STOX2: variants seen among roughly 807,000 people sequenced by gnomAD.
The protein encoded by STOX2 is storkhead box 2.
STOX2 carries 28 observed loss-of-function variants against 60.9 expected under a neutral mutation model. The observed-to-expected ratio is 0.46, with a 90% CI of 0.34 to 0.63. The LOEUF (loss-of-function observed/expected upper bound fraction) is 0.63. STOX2 is among the 30% of genes least tolerant of loss of function. STOX2 has a pLI of 0.01. For missense variants in STOX2, 1,024 were observed against 1,187.7 expected (o/e 0.86, Z 2.03); for synonymous variants, 472 against 463.9 (o/e 1.02, Z -0.22).
At chr4:183,861,111 T>C (rs1360218427) in intron 1 of STOX2, among the ~76,000 whole-genome samples, 1 of 152,208 alleles carries the variant, frequency 6.6e-6, no homozygotes, top group African/African-American at 2.4e-5. Context: ...TCCCCACTAC[T>C]TCTTTCTCTC....
chr4:184,003,095 C>T (rs886633785), intron 2 of STOX2, among the ~76,000 whole-genome samples: 1 of 152,184 alleles, frequency 6.6e-6, no homozygotes, highest in Non-Finnish European at 1.5e-5. Context: ...GTGAGAGCCA[C>T]CTAAGTGGGG....
At chr4:183,988,903 C>T (rs1049705363) in intron 1 of STOX2, among the ~76,000 whole-genome samples, 6 of 152,144 alleles carry the variant, frequency 3.9e-5, no homozygotes, top group Non-Finnish European at 8.8e-5. Context: ...AGAGGGTGCA[C>T]GGTCCTCTGA....
Position 184,017,378 on chromosome 4 carries a change from C to A in STOX2, c.*94C>A. ...TACATCTTTGGAAAGACAAGCATCTCAACCACAGTTTTTGTGTTTACTTAA... is the reference window on the plus strand; with the variant it reads ...TACATCTTTGGAAAGACAAGCATCTAAACCACAGTTTTTGTGTTTACTTAA... On this transcript the variant is annotated 3_prime_UTR_variant, in exon 4 of 4. Coordinates refer to ENST00000308497, the MANE Select transcript of STOX2 (RefSeq NM_020225.3). The A allele has an allele frequency of 7.9e-7, 1 of 1,269,936 alleles. No individual in the cohort carries two copies. Among genetic ancestry groups the A allele is most frequent in the Non-Finnish European group, 1.1e-6 (1 of 936,354 alleles). The allele number at this position is 1,269,936 out of a possible 1,614,324, so 78.7% of individuals were successfully genotyped here. A position where few individuals can be genotyped will look rare whatever the true frequency, so the allele number is the denominator to read the frequency against.
At chr4:183,850,332 T>C (rs1025469799) in intron 1 of STOX2, among the ~76,000 whole-genome samples, 2 of 152,172 alleles carry the variant, frequency 1.3e-5, no homozygotes, top group Non-Finnish European at 2.9e-5. Flanking sequence ...AAAAAAAATT[T>C]TGGAGAATGC....
chr4:183,906,597 C>T lies in STOX2; in HGVS notation c.-194C>T, dbSNP rs1741616726. The T allele has an allele frequency of 1.8e-6, 1 of 570,960 alleles. No homozygotes were observed. The highest frequency in any genetic ancestry group is 3.0e-6 in the Non-Finnish European group (1 of 328,126). 35.4% of individuals were successfully genotyped at this position (570,960 alleles called of 1,614,324 possible). On this transcript the variant is annotated 5_prime_UTR_variant, in exon 1 of 4. Coordinates refer to ENST00000308497, the MANE Select transcript of STOX2 (RefSeq NM_020225.3). ...TTGTGGGACGTGTGTAAAATCGGAGCCTTCGCCGTGGGGGTGTGGGGGGGC... is the reference window on the plus strand; with the variant it reads ...TTGTGGGACGTGTGTAAAATCGGAGTCTTCGCCGTGGGGGTGTGGGGGGGC...
chr4:183,980,157 G>T (rs1416497315), intron 1 of STOX2, among the ~76,000 whole-genome samples: 1 of 152,056 alleles, frequency 6.6e-6, no homozygotes, highest in Non-Finnish European at 1.5e-5. Flanking sequence ...AGGATTTTAT[G>T]ACATTTTCTA....
At chr4:183,986,851 A>T (rs1732865965) in intron 1 of STOX2, among the ~76,000 whole-genome samples, 1 of 151,994 alleles carries the variant, frequency 6.6e-6, no homozygotes, top group Non-Finnish European at 1.5e-5. Flanking sequence ...AGAGGATAGG[A>T]CGCTTTCAGG....
chr4:183,892,863 T>G (rs1336373467), intron 1 of STOX2, among the ~76,000 whole-genome samples: 1 of 150,972 alleles, frequency 6.6e-6, no homozygotes, highest in Admixed American at 6.6e-5. Flanking sequence ...AGGTTGTGAC[T>G]CCATGAAGAC....
intron 2 of STOX2, among the ~76,000 whole-genome samples, chr4:184,008,627 C>T (rs962653664): frequency 6.6e-6 from 1 of 152,096 alleles, no homozygotes; most frequent in Non-Finnish European, 1.5e-5. Context: ...GTCTAGTTGC[C>T]CTTTTATATC....
At chr4:183,954,557 G>A (rs2111151956) in intron 1 of STOX2, among the ~76,000 whole-genome samples, 1 of 151,938 alleles carries the variant, frequency 6.6e-6, no homozygotes, top group Middle Eastern at 3.4e-3. Flanking sequence ...CAAAGTGCTG[G>A]GATTACAGGC....
chr4:184,015,799 C>T (rs1207720688), intron 3 of STOX2: 1 of 152,194 alleles, frequency 6.6e-6, no homozygotes, highest in Non-Finnish European at 1.5e-5. Context: ...TTGACTCTGC[C>T]TCATGCAGTG....
At position 183,833,799 on chromosome 4, in the gene STOX2, C is replaced by A. The variant is rs557343761; in HGVS notation, c.364+35744C>A. Among the ~76,000 whole-genome samples, 39 of 148,346 alleles carry A rather than the reference C, an allele frequency of 2.6e-4. 1 individual carries two copies. Among genetic ancestry groups the A allele is most frequent in the East Asian group, 1.6e-3 (8 of 5,020 alleles). ...AGATCGAGACCATCCCGGCTAAAAACGGTGAAACCCCGTCTCTACTAAAAA... is the reference window on the plus strand; with the variant it reads ...AGATCGAGACCATCCCGGCTAAAAAAGGTGAAACCCCGTCTCTACTAAAAA... On this transcript the variant is annotated intron_variant, in intron 1 of 2. Coordinates refer to the STOX2 transcript ENST00000513034.
At chr4:183,880,348 A>T (rs574552610) in intron 1 of STOX2, among the ~76,000 whole-genome samples, 2 of 152,210 alleles carry the variant, frequency 1.3e-5, no homozygotes, top group Admixed American at 6.5e-5. Context: ...CAGATTTAAA[A>T]GTCTTCTTTT....
chr4:183,828,310 A>C (rs1205301180), intron 1 of STOX2, among the ~76,000 whole-genome samples: 1 of 152,198 alleles, frequency 6.6e-6, no homozygotes, highest in Admixed American at 6.5e-5. Flanking sequence ...TGAGTGACAC[A>C]GCGGTAGAGT....
chr4:183,892,587 A>G (rs1364875719), intron 1 of STOX2, among the ~76,000 whole-genome samples: 1 of 151,868 alleles, frequency 6.6e-6, no homozygotes, highest in African/African-American at 2.4e-5. Flanking sequence ...GCCCATTCAC[A>G]CTCTTCTTGC....
rs537415279 is a variant in STOX2 at position 183,806,339 on chromosome 4, A to G, written c.364+8284A>G. On this transcript the variant is annotated intron_variant, in intron 1 of 2. Transcript: ENST00000513034. The surrounding 1 kb of genome is among the most constrained non-coding windows in gnomAD (Gnocchi z 4.1). The stretch of plus-strand genomic sequence containing the variant: ...GGAAGCACATGATGTCCCTTAGTCT[A>G]GCTCTCTGGCATGGAAGCTGGGGAT... Among the ~76,000 whole-genome samples the G allele has an allele frequency of 1.9e-4, 29 of 152,238 alleles. No homozygotes were observed. Among genetic ancestry groups the G allele is most frequent in the African/African-American group, 7.0e-4 (29 of 41,546 alleles).
At chr4:183,994,251 T>C (rs1325676127) in intron 1 of STOX2, among the ~76,000 whole-genome samples, 1 of 152,218 alleles carries the variant, frequency 6.6e-6, no homozygotes, top group Non-Finnish European at 1.5e-5. Context: ...ACTATTTTTA[T>C]GAGGAATCAC....
At chr4:183,828,445 A>G (rs55977186) in intron 1 of STOX2, among the ~76,000 whole-genome samples, 7,424 of 152,158 alleles carry the variant, frequency 0.049, 235 homozygotes, top group Non-Finnish European at 0.068. Flanking sequence ...CCTGTATTTC[A>G]TTCTTCGTCT....
chr4:183,827,216 G>C (rs1466362594), intron 1 of STOX2, among the ~76,000 whole-genome samples: 3 of 152,182 alleles, frequency 2.0e-5, no homozygotes, highest in Non-Finnish European at 4.4e-5. Context: ...AAATGGAATA[G>C]CATGGGTGCG....
Sources: gnomAD v4.1 joint callset for allele counts (sites outside exome capture counted in the v4.1 genomes callset) on GRCh38, gnomAD v4.1.1 for gene constraint, Gnocchi (gnomAD v3.1) non-coding constraint, MANE v1.5 for transcripts, NCBI Gene and HGNC (gene_info 2026-07-23, HGNC 2026-07-21) for gene names.